DCTN3: variants seen among roughly 807,000 people sequenced by gnomAD.
The protein encoded by DCTN3 is dynactin subunit 3, also known as dynactin 3 (p22).
In DCTN3, 25 loss-of-function variants were observed where a neutral mutation model predicts 28.4. The ratio of observed to expected loss-of-function variants is 0.88; its 90% CI spans 0.64 to 1.23. The LOEUF is 1.23. Among genes scored for constraint, DCTN3 ranks in the 50% most tolerant of loss-of-function variants. The pLI, the probability that DCTN3 is intolerant of heterozygous loss-of-function variation, is 0.00. For synonymous variants in DCTN3, 81 were observed against 91.4 expected, an observed-to-expected ratio of 0.89 and a Z score of 0.65; for missense variants, 229 against 232.0, an observed-to-expected ratio of 0.99 and a Z score of 0.08.
Position 34,620,439 on chromosome 9 carries a change from C to G in DCTN3, c.26G>C (p.Arg9Pro). The change falls in exon 1 of 7, where the codon CGG (arginine) becomes CCG (proline). Residue 9 changes from arginine (R) to proline (P), a missense_variant. Coordinates refer to ENST00000259632, the MANE Select transcript of DCTN3 (RefSeq NM_007234.5). The stretch of plus-strand genomic sequence containing the variant: ...CAGCTCTTCCACTCGGGCCTGTAGC[C>G]GCTGCAAGTCAGTCAGACCCGCCAT... MAGLTDLQRLQARVEELER... is the reference protein window; with the variant it reads MAGLTDLQPLQARVEELER... 6.4e-7 allele frequency: 1 copy of G among 1,556,076 alleles called. No homozygotes were observed. Among genetic ancestry groups the G allele is most frequent in the Non-Finnish European group, 8.7e-7 (1 of 1,150,580 alleles).
intron 2 of DCTN3, among the ~76,000 whole-genome samples, 183 bp downstream of exon 2, chr9:34,618,493 G>C (rs1225032708): frequency 2.0e-5 from 3 of 152,186 alleles, no homozygotes; most frequent in Non-Finnish European, 4.4e-5. Flanking sequence ...TTGAGGTTTA[G>C]CCACAAGGTA....
Position 34,615,954 on chromosome 9 carries a change from A to G in DCTN3, c.352+76T>C. 6 of 1,262,522 alleles carry G rather than the reference A, an allele frequency of 4.8e-6. No individual in the cohort carries two copies. The Admixed American group carries it at 1.1e-4, about 23-fold the overall frequency. 78.2% of individuals were successfully genotyped at this position (1,262,522 alleles called of 1,614,324 possible). A position where few individuals can be genotyped will look rare whatever the true frequency, so the allele number is the denominator to read the frequency against. On this transcript the variant is annotated intron_variant, in intron 4 of 6. Coordinates refer to ENST00000259632, the MANE Select transcript of DCTN3 (RefSeq NM_007234.5). ...CCCAACCCGAATCCACACAACCTGA[A>G]ACACAGGAAAGTCTTGCCCATCCAT...
intron 3 of DCTN3, 168 bp downstream of exon 3, chr9:34,617,717 C>T: frequency 6.6e-7 from 1 of 1,509,124 alleles, no homozygotes; most frequent in Non-Finnish European, 8.9e-7. Context: ...TACTCAATGT[C>T]TACTAGAGGA....
chr9:34,613,796 G>C lies in DCTN3; in HGVS notation c.547C>G (p.Pro183Ala). 1 of 1,613,994 alleles carries C rather than the reference G, an allele frequency of 6.2e-7. No homozygotes were observed. Among genetic ancestry groups the C allele is most frequent in the South Asian group, 1.1e-5 (1 of 91,000 alleles). Residue 183 changes from proline (P) to alanine (A), a missense_variant, in exon 7 of 7, where the codon CCA becomes GCA. Coordinates refer to ENST00000259632, the MANE Select transcript of DCTN3 (RefSeq NM_007234.5). ...CQLEAATQVK[P>A]AEE Reference sequence around the variant, plus strand: ...GGGAGCAGCTATCACTCCTCTGCTGGCTTCACTTGCGTGGCGGCCTCTAGC... The same window carrying C: ...GGGAGCAGCTATCACTCCTCTGCTGCCTTCACTTGCGTGGCGGCCTCTAGC...
In DCTN3 at chr9:34,620,408, G is replaced by A. The variant is rs866504249; in HGVS notation, c.57C>T (p.Arg19=). Residue 19 remains arginine (R), a synonymous_variant, in exon 1 of 7, where the codon CGC becomes CGT. Coordinates refer to ENST00000259632, the MANE Select transcript of DCTN3 (RefSeq NM_007234.5). ...GCGCCCCGCCCGGCCCGTACACCCA[G>A]CGCTCCAGCTCTTCCACTCGGGCCT... is the stretch of plus-strand genomic sequence containing the variant. ...RLQARVEELE[R]WVYGPGGARG... is the part of the protein sequence containing the mutation. 3.8e-6 allele frequency: 6 copies of A among 1,577,686 alleles called. No individual in the cohort carries two copies. Among genetic ancestry groups the A allele is most frequent in the Non-Finnish European group, 5.2e-6 (6 of 1,162,532 alleles).
Position 34,614,686 on chromosome 9 carries a change from T to C in DCTN3, c.411+24A>G, listed in dbSNP as rs544200790. 3.0e-5 allele frequency: 49 copies of C among 1,613,944 alleles called. 1 individual carries two copies. In the South Asian group the frequency reaches 4.8e-4, roughly 16 times the overall value. On this transcript the variant is annotated intron_variant, in intron 5 of 6. Transcript: ENST00000259632. ...GGTGCTGCGCCACCTCCATCTTCGC[T>C]TCTAGTCATCTCCCCTCCCATACCT... is the stretch of plus-strand genomic sequence containing the variant.
At position 34,620,428 on chromosome 9, in the gene DCTN3, G is replaced by C. The variant is rs772060854; in HGVS notation, c.37C>G (p.Arg13Gly). ...ACCCAGCGCTCCAGCTCTTCCACTC[G>C]GGCCTGTAGCCGCTGCAAGTCAGTC... ...GLTDLQRLQARVEELERWVYG... is the reference protein window; with the variant it reads ...GLTDLQRLQAGVEELERWVYG... Residue 13 changes from arginine to glycine, a missense_variant, in exon 1 of 7, where the codon CGA (arginine) becomes GGA (glycine). Coordinates refer to ENST00000259632, the MANE Select transcript of DCTN3 (RefSeq NM_007234.5). The C allele has an allele frequency of 6.4e-7, 1 of 1,561,056 alleles. No individual in the cohort carries two copies. Among genetic ancestry groups the C allele is most frequent in the Non-Finnish European group, 8.7e-7 (1 of 1,153,372 alleles).
intron 1 of DCTN3, 151 bp downstream of exon 1, chr9:34,620,218 T>C: frequency 2.9e-6 from 2 of 690,000 alleles, no homozygotes; most frequent in Non-Finnish European, 4.9e-6. Flanking sequence ...TGGACCCCGA[T>C]GGTCCAATCA....
chr9:34,616,119 G>C lies in DCTN3; in HGVS notation c.269-6C>G. Reference sequence around the variant, plus strand: ...GGAAAGGATAAACTGCTCCTCTAAAGCAAAAATGGACAAGATAGTTGCAGT... The same window carrying C: ...GGAAAGGATAAACTGCTCCTCTAAACCAAAAATGGACAAGATAGTTGCAGT... On this transcript the variant is annotated splice_region_variant and splice_polypyrimidine_tract_variant and intron_variant, in intron 3 of 6. Transcript: ENST00000259632. The surrounding 1 kb of genome is among the most constrained non-coding windows in gnomAD (Gnocchi z 4.7). 1 of 1,613,144 alleles carries C rather than the reference G, an allele frequency of 6.2e-7. No homozygotes were observed. Among genetic ancestry groups the C allele is most frequent in the Non-Finnish European group, 8.5e-7 (1 of 1,179,248 alleles).
rs1820512798 is a variant in DCTN3 at position 34,619,898 on chromosome 9, C to T, written c.96+471G>A. On this transcript the variant is annotated intron_variant, in intron 1 of 6. Coordinates refer to ENST00000259632, the MANE Select transcript of DCTN3 (RefSeq NM_007234.5). ...GAATACCCAGTACCCAGTCTCTTCCCTTCCTAATCCTGGTCCTTTCAGACC... is the reference window on the plus strand; with the variant it reads ...GAATACCCAGTACCCAGTCTCTTCCTTTCCTAATCCTGGTCCTTTCAGACC... Among the ~76,000 whole-genome samples, 6 of 152,178 alleles carry T rather than the reference C, an allele frequency of 3.9e-5. No individual in the cohort carries two copies. The South Asian group carries it at 8.3e-4, about 21-fold the overall frequency.
chr9:34,617,868 A>G lies in DCTN3; in HGVS notation c.268+17T>C, dbSNP rs375521862. The G allele has an allele frequency of 1.9e-6, 3 of 1,613,448 alleles. No individual in the cohort carries two copies. The highest frequency in any genetic ancestry group is 2.5e-6 in the Non-Finnish European group (3 of 1,179,730). On this transcript the variant is annotated intron_variant, in intron 3 of 6. Coordinates refer to ENST00000259632, the MANE Select transcript of DCTN3 (RefSeq NM_007234.5). ...CCCACATCCTCAGATGCATGTACAC[A>G]TGTAGTCCAGCATTACCTGCTAGGA...
Position 34,616,971 on chromosome 9 carries a change from G to A in DCTN3, c.269-858C>T, listed in dbSNP as rs1005274554. Among the ~76,000 whole-genome samples, 3 of 152,176 alleles carry A rather than the reference G, an allele frequency of 2.0e-5. No individual in the cohort carries two copies. Among genetic ancestry groups the A allele is most frequent in the African/African-American group, 7.2e-5 (3 of 41,448 alleles). ...AGGAAGGGAAAGATTAGGGTCAAGA[G>A]TATGATTTAGGAGACTGTGCAACCA... On this transcript the variant is annotated intron_variant, in intron 3 of 6. Transcript: ENST00000259632. This position sits in a 1 kb window ranked among gnomAD's most constrained non-coding sequence, Gnocchi z 4.7.
intron 4 of DCTN3, 158 bp from the exon 5 acceptor site, chr9:34,614,926 T>C: frequency 1.1e-5 from 9 of 790,214 alleles, no homozygotes; most frequent in Non-Finnish European, 1.8e-5. Context: ...GCAGTGGGGC[T>C]CCCTGCCCAC....
At chr9:34,617,263 T>C (rs1820443613) in intron 3 of DCTN3, among the ~76,000 whole-genome samples, 1 of 152,302 alleles carries the variant, frequency 6.6e-6, no homozygotes, top group Admixed American at 6.5e-5. Context: ...GCAGGGACCC[T>C]GTCTCCCCTA....
At chr9:34,617,738 C>T (rs1347676239) in intron 3 of DCTN3, 147 bp downstream of exon 3, 1 of 1,523,356 alleles carries the variant, frequency 6.6e-7, no homozygotes, top group Non-Finnish European at 8.9e-7. Context: ...TCCATAGGAT[C>T]CTCAACCCAG....
In DCTN3 at chr9:34,616,263, C is replaced by T; in HGVS notation, c.269-150G>A. The T allele has an allele frequency of 3.3e-6, 2 of 606,400 alleles. No homozygotes were observed. Among genetic ancestry groups the T allele is most frequent in the Non-Finnish European group, 6.0e-6 (2 of 335,168 alleles). 37.6% of individuals were successfully genotyped at this position (606,400 alleles called of 1,614,324 possible). ...TGTCCACTGCCCCCTTCTCTAGGTG[C>T]ACATTTCCATCCTGCCCCCAACTCT... On this transcript the variant is annotated intron_variant, in intron 3 of 6. Transcript: ENST00000259632. The surrounding 1 kb of genome is among the most constrained non-coding windows in gnomAD (Gnocchi z 4.7).
chr9:34,620,334 G>T, intron 1 of DCTN3, 35 bp downstream of exon 1: 1 of 1,595,892 alleles, frequency 6.3e-7, no homozygotes, highest in South Asian at 1.1e-5. Context: ...CTCTTGCTCT[G>T]CTCCAGAAAG....
intron 2 of DCTN3, 91 bp downstream of exon 2, chr9:34,618,585 A>T: frequency 1.1e-6 from 1 of 936,572 alleles, no homozygotes; most frequent in Admixed American, 1.7e-5. Context: ...GGGCTATTCC[A>T]GTGACCTAAT....
chr9:34,615,996 C>A (rs746015858), intron 4 of DCTN3, 34 bp downstream of exon 4: 67 of 1,588,642 alleles, frequency 4.2e-5, no homozygotes, highest in Non-Finnish European at 5.3e-5. Context: ...ACCTCCCCAA[C>A]CAGAGTAGTG....
Sources: gnomAD v4.1 joint callset for allele counts (sites outside exome capture counted in the v4.1 genomes callset) on GRCh38, gnomAD v4.1.1 for gene constraint, Gnocchi (gnomAD v3.1) non-coding constraint, MANE v1.5 for transcripts, NCBI Gene and HGNC (gene_info 2026-07-23, HGNC 2026-07-21) for gene names.